Variants in RABGAP1 observed in about 807,000 individuals in gnomAD.
RABGAP1 encodes RAB GTPase activating protein 1.
In RABGAP1, 23 loss-of-function variants were observed where a neutral mutation model predicts 137.6. That is an observed-to-expected ratio of 0.17 (90% CI 0.12 to 0.24). The LOEUF (loss-of-function observed/expected upper bound fraction) is 0.24. RABGAP1 is among the 10% of genes least tolerant of loss of function. The pLI is 1.00. For missense variants in RABGAP1, 906 were observed against 1,275.8 expected, an observed-to-expected ratio of 0.71 and a Z score of 4.42; for synonymous variants, 451 against 450.7, an observed-to-expected ratio of 1.00 and a Z score of -0.01.
intron 1 of RABGAP1, among the ~76,000 whole-genome samples, chr9:122,947,744 C>CTTTTGG (rs1226962372): frequency 6.6e-6 from 1 of 151,966 alleles, no homozygotes; most frequent in Non-Finnish European, 1.5e-5. Context: ...TGTTTTGATT[C>CTTTTGG]TTTTGGTTTT....
intron 6 of RABGAP1, chr9:122,990,786 AAAAAAAAAAAATATATATATAT>A (rs1232600134): frequency 1.2e-5 from 1 of 80,696 alleles, no homozygotes; most frequent in East Asian, 5.3e-4. Flanking sequence ...AAAAAAAAAA[AAAAAAAAAAAATATATATATAT>A]ATATATATAT....
At chr9:122,967,552 T>C (rs1013821905) in intron 2 of RABGAP1, among the ~76,000 whole-genome samples, 2 of 152,216 alleles carry the variant, frequency 1.3e-5, no homozygotes, top group African/African-American at 2.4e-5. Flanking sequence ...GCAGTAAATA[T>C]GCAAGTAAAT....
At chr9:122,975,997 T>A (rs2131707277) in intron 2 of RABGAP1, among the ~76,000 whole-genome samples, 1 of 152,320 alleles carries the variant, frequency 6.6e-6, no homozygotes, top group Non-Finnish European at 1.5e-5. Context: ...CACACTACAG[T>A]TCTAGTGAGA....
intron 13 of RABGAP1, among the ~76,000 whole-genome samples, chr9:123,020,719 A>C (rs1188110453): frequency 2.6e-5 from 4 of 152,182 alleles, no homozygotes; most frequent in Non-Finnish European, 5.9e-5. Flanking sequence ...TGTAAATAAC[A>C]TTTTTAGTCA....
rs539715551 is a variant in RABGAP1 at position 123,091,514 on chromosome 9, G to A, written c.2628+1129G>A. ...ATGTAGGATGGACCTGGATTCTAAT[G>A]CCAGCTACTCTGCTTTCAGCTCACC... On this transcript the variant is annotated intron_variant, in intron 21 of 25. Coordinates refer to ENST00000373647, the MANE Select transcript of RABGAP1 (RefSeq NM_012197.4). Among the ~76,000 whole-genome samples the A allele has an allele frequency of 1.6e-4, 25 of 152,260 alleles. 1 individual carries two copies. Among genetic ancestry groups the A allele is most frequent in the Admixed American group, 1.6e-3 (25 of 15,292 alleles).
intron 22 of RABGAP1, among the ~76,000 whole-genome samples, 167 bp downstream of exon 22, chr9:123,098,012 A>AAATTAG (rs1364087281): frequency 2.0e-5 from 3 of 152,222 alleles, no homozygotes; most frequent in African/African-American, 7.2e-5. Flanking sequence ...TTCCTAATTA[A>AAATTAG]AGTCTAGGAG....
chr9:122,999,277 G>A (rs1327986485), intron 10 of RABGAP1, among the ~76,000 whole-genome samples: 1 of 151,994 alleles, frequency 6.6e-6, no homozygotes, highest in Non-Finnish European at 1.5e-5. Flanking sequence ...TCCGCCTCCC[G>A]GGTTCAAGTG....
At chr9:123,032,388 C>G (rs2032351134) in intron 13 of RABGAP1, among the ~76,000 whole-genome samples, 1 of 152,200 alleles carries the variant, frequency 6.6e-6, no homozygotes, top group South Asian at 2.1e-4. Context: ...TACTGTGCCA[C>G]ACACTTCGCT....
chr9:123,053,404 CAGAG>C (rs1185414128), intron 13 of RABGAP1, among the ~76,000 whole-genome samples: 1 of 152,170 alleles, frequency 6.6e-6, no homozygotes, highest in Non-Finnish European at 1.5e-5. Flanking sequence ...TATTTTACCT[CAGAG>C]AGATTTTTCA....
In RABGAP1 at chr9:123,065,381, A is replaced by G. The variant is rs750692725; in HGVS notation, c.1828A>G (p.Ile610Val). 6.2e-7 allele frequency: 1 copy of G among 1,613,292 alleles called. No homozygotes were observed. The highest frequency in any genetic ancestry group is 8.5e-7 in the Non-Finnish European group (1 of 1,179,278). ...CCAGGACAGTGCTATCACCCGGGATATTAACCGAACATTCCCAGCCCATGA... is the reference window on the plus strand; with the variant it reads ...CCAGGACAGTGCTATCACCCGGGATGTTAACCGAACATTCCCAGCCCATGA... ...SPQDSAITRD[I>V]NRTFPAHDYF... The change falls in exon 14 of 26, where the codon ATT becomes GTT. Residue 610 changes from isoleucine (I) to valine (V), a missense_variant. Around this residue, in one of 9 missense-constraint regions of RABGAP1, gnomAD observed 30 missense variants for 105.8 expected, o/e 0.28. Transcript: ENST00000373647.
At chr9:122,997,743 G>A (rs77278484) in intron 9 of RABGAP1, among the ~76,000 whole-genome samples, 2,411 of 152,280 alleles carry the variant, frequency 0.016, 35 homozygotes, top group South Asian at 0.066. Flanking sequence ...AGGAATCACT[G>A]TTAGCAGTTT....
Position 123,074,317 on chromosome 9 carries a change from G to A in RABGAP1, c.2142G>A (p.Leu714=). Residue 714 remains leucine, a synonymous_variant, in exon 17 of 26, where the codon CTG becomes CTA. Coordinates refer to ENST00000373647, the MANE Select transcript of RABGAP1 (RefSeq NM_012197.4). ...TTCCTGACCTGTACAACCACTTCCT[G>A]GATATAAGCCTTGAAGCACACATGT... ...EYIPDLYNHF[L]DISLEAHMYA... 6.2e-7 allele frequency: 1 copy of A among 1,613,754 alleles called. No homozygotes were observed. Among genetic ancestry groups the A allele is most frequent in the Non-Finnish European group, 8.5e-7 (1 of 1,179,764 alleles).
rs574338611 is a variant in RABGAP1, at chr9:123,033,913, G to A, written c.1794+13454G>A. ...TATAAGCAAATTCCTTTTCTCCCCC[G>A]TCTCAAATGAAAGGAAATGGGGGTA... On this transcript the variant is annotated intron_variant, in intron 13 of 25. Coordinates refer to ENST00000373647, the MANE Select transcript of RABGAP1 (RefSeq NM_012197.4). 2.7e-4 allele frequency among the ~76,000 whole-genome samples: 41 copies of A among 152,238 alleles called. 1 individual carries two copies. In the South Asian group the frequency reaches 6.9e-3, roughly 25 times the overall value.
Position 122,945,147 on chromosome 9 carries a change from C to CTTTTTTTTTTTCTTTTTT in RABGAP1, c.-50+4065_-50+4066insCTTTTTTTTTTTTTTTTT, listed in dbSNP as rs1833875799. On this transcript the variant is annotated intron_variant, in intron 1 of 25. Transcript: ENST00000373647. The stretch of plus-strand genomic sequence containing the variant: ...CACCATGTATACATCATAGCTGTTG[C>CTTTTTTTTTTTCTTTTTT]TTTTTTTTTTTTTTTTAGCATAAAC... Among the ~76,000 whole-genome samples the CTTTTTTTTTTTCTTTTTT allele has an allele frequency of 2.6e-5, 2 of 75,772 alleles. 1 individual carries two copies. The highest frequency in any genetic ancestry group is 5.7e-5 in the Non-Finnish European group (2 of 34,992). 49.7% of individuals were successfully genotyped at this position (75,772 alleles called of 152,430 possible). A position where few individuals can be genotyped will look rare whatever the true frequency, so the allele number is the denominator to read the frequency against.
intron 10 of RABGAP1, among the ~76,000 whole-genome samples, chr9:123,002,709 TATC>T (rs1269756698): frequency 2.8e-5 from 1 of 36,114 alleles, no homozygotes; most frequent in African/African-American, 3.5e-5. Context: ...TTTAAAATAT[TATC>T]ATACAGTATG....
chr9:123,045,275 C>T (rs1588326208), intron 13 of RABGAP1, among the ~76,000 whole-genome samples: 1 of 152,076 alleles, frequency 6.6e-6, no homozygotes, highest in African/African-American at 2.4e-5. Context: ...CGGAGGAAAC[C>T]TCAACTGCCA....
intron 19 of RABGAP1, 43 bp from the exon 20 acceptor site, chr9:123,089,715 A>C: frequency 6.5e-7 from 1 of 1,529,010 alleles, no homozygotes; most frequent in Non-Finnish European, 9.0e-7. Flanking sequence ...AGCACCCACT[A>C]CTTTCTAATA....
rs200325842 is a variant in RABGAP1, at chr9:122,997,290, C to T, written c.1133C>T (p.Ser378Leu). Residue 378 changes from serine to leucine, a missense_variant, in exon 9 of 26, where the codon TCG becomes TTG. Transcript: ENST00000373647. ...ATGGGCAAAAGTTCAGATGGAAAGTCGTATGTTATTACGGGGAGCTGGAAT... is the reference window on the plus strand; with the variant it reads ...ATGGGCAAAAGTTCAGATGGAAAGTTGTATGTTATTACGGGGAGCTGGAAT... ...ESMGKSSDGK[S>L]YVITGSWNPK... 28 of 1,610,052 alleles carry T rather than the reference C, an allele frequency of 1.7e-5. No individual in the cohort carries two copies. Among genetic ancestry groups the T allele is most frequent in the Admixed American group, 3.4e-5 (2 of 59,082 alleles).
chr9:123,073,349 A>C (rs1041867157), intron 15 of RABGAP1, among the ~76,000 whole-genome samples: 24 of 151,698 alleles, frequency 1.6e-4, no homozygotes, highest in African/African-American at 5.8e-4. Flanking sequence ...CCATACTGAC[A>C]AAGAGTAGTC....
Sources: allele counts gnomAD v4.1 joint callset (sites outside exome capture counted in the v4.1 genomes callset), GRCh38; gene constraint gnomAD v4.1.1; regional missense constraint gnomAD v4.1.1; transcripts MANE v1.5; gene names NCBI Gene and HGNC (gene_info 2026-07-23, HGNC 2026-07-21).